The following ALDH1L1 variants were observed in gnomAD, a reference collection of about 807,000 sequenced individuals.
The protein encoded by ALDH1L1 is aldehyde dehydrogenase 1 family member L1.
Under a neutral mutation model 101.1 loss-of-function variants are expected in ALDH1L1, and 68 were observed. The observed-to-expected ratio is 0.67, with a 90% CI of 0.55 to 0.82. ALDH1L1 has a LOEUF of 0.82. Among genes scored for constraint, ALDH1L1 ranks in the 40% least tolerant of loss-of-function variants. The probability of loss-of-function intolerance (pLI) is 0.00; values close to 1 mark genes in which losing one functional copy is unlikely to be tolerated. For synonymous variants in ALDH1L1, 486 were observed against 470.8 expected (o/e 1.03, Z -0.42); for missense variants, 1,087 against 1,172.7 (o/e 0.93, Z 1.07).
chr3:126,171,016 T>C (rs1464811878), intron 1 of ALDH1L1, among the ~76,000 whole-genome samples: 2 of 152,268 alleles, frequency 1.3e-5, no homozygotes, highest in Non-Finnish European at 2.9e-5. Context: ...AGCAGACTCT[T>C]GGCTGGGCGC....
At chr3:126,180,910 C>A, upstream of ALDH1L1, 5 of 1,604,824 alleles carry the variant, frequency 3.1e-6, no homozygotes, top group Non-Finnish European at 4.2e-6. Context: ...CCTCGCCAAG[C>A]CGGTGACTCA....
intron 9 of ALDH1L1, among the ~76,000 whole-genome samples, chr3:126,146,274 T>G (rs11715574): frequency 2.2e-4 from 34 of 151,976 alleles, no homozygotes; most frequent in Middle Eastern, 6.8e-3. Flanking sequence ...GTGCTCACTC[T>G]GAGACCCCCT....
At chr3:126,189,863 G>A (rs1228964318) in intron 1 of ALDH1L1, among the ~76,000 whole-genome samples, 2 of 152,166 alleles carry the variant, frequency 1.3e-5, no homozygotes, top group African/African-American at 4.8e-5. Flanking sequence ...AAAGCCAATG[G>A]TAGTGCCTTT....
chr3:126,147,487 AT>A (rs2080719624), intron 8 of ALDH1L1, among the ~76,000 whole-genome samples: 1 of 152,176 alleles, frequency 6.6e-6, no homozygotes, highest in South Asian at 2.1e-4. Flanking sequence ...TCTGGGACCT[AT>A]GGAGGGCAGC....
rs1003672716 is a variant in ALDH1L1 at position 126,196,304 on chromosome 3, G to T, written c.-24+1431C>A. 3.3e-5 allele frequency among the ~76,000 whole-genome samples: 5 copies of T among 151,644 alleles called. No homozygotes were observed. The South Asian group carries it at 6.3e-4, about 19-fold the overall frequency. ...GTCTCATTTTTATACCATTTGGTCT[G>T]GTCTAAAGAACAGAGCCTTAGATTT... On this transcript the variant is annotated intron_variant, in intron 1 of 2. Coordinates refer to the ALDH1L1 transcript ENST00000509952.
chr3:126,161,437 A>G (rs1559965939), intron 1 of ALDH1L1, among the ~76,000 whole-genome samples: 1 of 152,238 alleles, frequency 6.6e-6, no homozygotes, highest in Non-Finnish European at 1.5e-5. Context: ...AATTAGGCTT[A>G]TTCCTCTGAG....
intron 19 of ALDH1L1, among the ~76,000 whole-genome samples, chr3:126,111,437 C>T (rs538846157): frequency 2.0e-5 from 3 of 152,374 alleles, no homozygotes; most frequent in East Asian, 3.9e-4. Flanking sequence ...CTGAGTCTCA[C>T]TGCAGATGTT....
chr3:126,190,871 A>G (rs189523177), intron 1 of ALDH1L1, among the ~76,000 whole-genome samples: 4 of 152,354 alleles, frequency 2.6e-5, no homozygotes, highest in Admixed American at 2.6e-4. Flanking sequence ...CTATCTAAAA[A>G]TATCTACTGA....
chr3:126,175,573 C>T (rs2081352973), intron 1 of ALDH1L1, among the ~76,000 whole-genome samples: 1 of 151,942 alleles, frequency 6.6e-6, no homozygotes, highest in Non-Finnish European at 1.5e-5. Flanking sequence ...TAATCCATCG[C>T]ATGAATAGGC....
chr3:126,153,875 T>C (rs1233953153), intron 6 of ALDH1L1, among the ~76,000 whole-genome samples: 1 of 152,136 alleles, frequency 6.6e-6, no homozygotes, highest in Admixed American at 6.5e-5. Context: ...TGGGGGAGAA[T>C]GTGCTCCAGG....
intron 4 of ALDH1L1, chr3:126,155,760 G>C: frequency 7.8e-6 from 3 of 382,360 alleles, no homozygotes; most frequent in Non-Finnish European, 1.4e-5. Context: ...TGATATCTTA[G>C]ATGATTATAT....
intron 19 of ALDH1L1, 130 bp downstream of exon 19, chr3:126,112,652 G>A (rs374502359): frequency 1.6e-4 from 125 of 799,802 alleles, no homozygotes; most frequent in African/African-American, 1.2e-3. Flanking sequence ...CCTGACCCCC[G>A]GGGGGAGTGT....
chr3:126,125,015 C>T lies in ALDH1L1; in HGVS notation c.1801-564G>A, dbSNP rs556858991. On this transcript the variant is annotated intron_variant, in intron 15 of 22. Coordinates refer to ENST00000393434, the MANE Select transcript of ALDH1L1 (RefSeq NM_012190.4). Reference sequence around the variant, plus strand: ...ATGCACCATCCTGGGAGGCAGGCAGCGGGCAGGCTGTCATTGCCAATGTAC... The same window carrying T: ...ATGCACCATCCTGGGAGGCAGGCAGTGGGCAGGCTGTCATTGCCAATGTAC... Among the ~76,000 whole-genome samples, 14 of 152,282 alleles carry T rather than the reference C, an allele frequency of 9.2e-5. 1 individual carries two copies. Among genetic ancestry groups the T allele is most frequent in the South Asian group, 6.2e-4 (3 of 4,824 alleles).
intron 20 of ALDH1L1, among the ~76,000 whole-genome samples, 176 bp downstream of exon 20, chr3:126,109,768 C>T (rs1946016188): frequency 6.6e-6 from 1 of 152,220 alleles, no homozygotes; most frequent in African/African-American, 2.4e-5. Context: ...ATCCCCGGGT[C>T]TGGCTGGTGC....
chr3:126,184,109 T>C (rs1164261421), upstream of ALDH1L1, among the ~76,000 whole-genome samples: 1 of 152,208 alleles, frequency 6.6e-6, no homozygotes, highest in Non-Finnish European at 1.5e-5. Flanking sequence ...TCCGAATCCA[T>C]CCTTTCATAG....
At chr3:126,155,721 G>T (rs896812445) in intron 4 of ALDH1L1, 1 of 484,616 alleles carries the variant, frequency 2.1e-6, no homozygotes, top group Non-Finnish European at 3.6e-6. Flanking sequence ...ACCTGGCAAA[G>T]GTTTAGATTA....
Position 126,109,957 on chromosome 3 carries a change from C to T in ALDH1L1, c.2334G>A (p.Gln778=), listed in dbSNP as rs76009701. 1,502 of 1,614,026 alleles carry T rather than the reference C, an allele frequency of 9.3e-4. 15 individuals carry two copies. The African/African-American group carries it at 0.017, about 18-fold the overall frequency. The change falls in exon 20 of 23, where the codon CAG becomes CAA. Residue 778 remains glutamine, a synonymous_variant. Transcript: ENST00000393434. The stretch of plus-strand genomic sequence containing the variant: ...ACTCTGACTCACCTGGCCGAGGGAC[C>T]TGATTCCCGCCGCAGACCAGTGTGG... The part of the protein sequence containing the change: ...EGATLVCGGN[Q]VPRPGFFFEP...
At chr3:126,161,145 G>C in intron 1 of ALDH1L1, 143 bp from the exon 2 acceptor site, 1 of 882,814 alleles carries the variant, frequency 1.1e-6, no homozygotes, top group South Asian at 1.8e-5. Context: ...GGCCACTGAG[G>C]GGAGACTGCC....
At chr3:126,180,124 C>A (rs921250863) in intron 1 of ALDH1L1, 7 of 152,510 alleles carry the variant, frequency 4.6e-5, no homozygotes, top group African/African-American at 1.7e-4. Flanking sequence ...TCTTATCGAG[C>A]CTCAGTTTTC....
Sources: gnomAD v4.1 joint callset for allele counts (sites outside exome capture counted in the v4.1 genomes callset) on GRCh38, gnomAD v4.1.1 for gene constraint, MANE v1.5 for transcripts, NCBI Gene and HGNC (gene_info 2026-07-23, HGNC 2026-07-21) for gene names.